The following ATP2A3 variants were observed in gnomAD, a reference collection of about 807,000 sequenced individuals.
ATP2A3 encodes sarcoplasmic/endoplasmic reticulum calcium ATPase 3.
In ATP2A3, 61 loss-of-function variants were observed where a neutral mutation model predicts 106.8. The observed-to-expected ratio is 0.57, with a 90% confidence interval of 0.46 to 0.71. The LOEUF is 0.71. ATP2A3 is among the 30% of genes least tolerant of loss of function. The probability of loss-of-function intolerance (pLI) is 0.00; values close to 1 mark genes in which losing one functional copy is unlikely to be tolerated. For synonymous variants in ATP2A3, 611 were observed against 609.3 expected (o/e 1.00, Z -0.04); for missense variants, 1,201 against 1,423.5 (o/e 0.84, Z 2.52).
chr17:3,955,643 G>A lies in ATP2A3; in HGVS notation c.119-1933C>T, dbSNP rs1049077586. On this transcript the variant is annotated intron_variant, in intron 1 of 20. Transcript: ENST00000397041. The surrounding 1 kb of genome is among the most constrained non-coding windows in gnomAD (Gnocchi z 4.2). The stretch of plus-strand genomic sequence containing the variant: ...GTCACCCCAGCCATGCCCCAGCCTC[G>A]AATCAGGACAGCACTAACCTCATGG... Among the ~76,000 whole-genome samples the A allele has an allele frequency of 2.0e-5, 3 of 152,164 alleles. No individual in the cohort carries two copies. Among genetic ancestry groups the A allele is most frequent in the Non-Finnish European group, 2.9e-5 (2 of 68,038 alleles).
intron 14 of ATP2A3, among the ~76,000 whole-genome samples, chr17:3,939,512 G>A (rs1441461137): frequency 6.6e-6 from 1 of 152,050 alleles, no homozygotes; most frequent in African/African-American, 2.4e-5. Flanking sequence ...CAATAGGCCG[G>A]GCGCGGTGGC....
Position 3,947,982 on chromosome 17 carries a change from G to C in ATP2A3, c.631-127C>G. Reference sequence around the variant, plus strand: ...GGCTTTCCTTTTCTCCATGTTGCTAGTGCTTCCAGACTCCTGTAGCTATGT... The same window carrying C: ...GGCTTTCCTTTTCTCCATGTTGCTACTGCTTCCAGACTCCTGTAGCTATGT... On this transcript the variant is annotated intron_variant, in intron 7 of 20. Transcript: ENST00000397041. The surrounding 1 kb of genome is among the most constrained non-coding windows in gnomAD (Gnocchi z 7.7). 2 of 926,322 alleles carry C rather than the reference G, an allele frequency of 2.2e-6. No homozygotes were observed. The highest frequency in any genetic ancestry group is 1.6e-6 in the Non-Finnish European group (1 of 606,092). The allele number at this position is 926,322 out of a possible 1,614,324, so 57.4% of individuals were successfully genotyped here. A position where few individuals can be genotyped will look rare whatever the true frequency, so the allele number is the denominator to read the frequency against.
chr17:3,942,455 C>A, intron 12 of ATP2A3, 151 bp downstream of exon 12: 2 of 1,211,816 alleles, frequency 1.7e-6, no homozygotes, highest in Non-Finnish European at 2.2e-6. Flanking sequence ...ACCAACCACC[C>A]CTACACCACC....
In ATP2A3 at chr17:3,943,379, A is replaced by T; in HGVS notation, c.1419+12T>A. 6.2e-7 allele frequency: 1 copy of T among 1,613,306 alleles called. No individual in the cohort carries two copies. Among genetic ancestry groups the T allele is most frequent in the Non-Finnish European group, 8.5e-7 (1 of 1,179,914 alleles). On this transcript the variant is annotated intron_variant, in intron 11 of 20. Transcript: ENST00000397041. Reference sequence around the variant, plus strand: ...CATGCAGCCGGAGGCCTGAGCCCCCAGCCCTGCTCACCGTGTTACAGGCGC... The same window carrying T: ...CATGCAGCCGGAGGCCTGAGCCCCCTGCCCTGCTCACCGTGTTACAGGCGC...
At chr17:3,946,655 C>T (rs761947256) in intron 8 of ATP2A3, among the ~76,000 whole-genome samples, 3 of 152,212 alleles carry the variant, frequency 2.0e-5, no homozygotes, top group Non-Finnish European at 4.4e-5. Flanking sequence ...CACCCCTCCC[C>T]TAAAGCAGCC....
intron 20 of ATP2A3, chr17:3,927,505 C>G (rs2052772966): frequency 3.0e-6 from 3 of 985,332 alleles, no homozygotes; most frequent in Admixed American, 6.1e-5. Flanking sequence ...TCAAGGGCGG[C>G]TGGAGGATTT....
At position 3,924,650 on chromosome 17, in the gene ATP2A3, C is replaced by G; in HGVS notation, c.*772G>C. On this transcript the variant is annotated 3_prime_UTR_variant, in exon 21 of 21. Transcript: ENST00000397041. This position sits in a 1 kb window ranked among gnomAD's most constrained non-coding sequence, Gnocchi z 6.4. ...AGTGTGACTCTGAACATCTCCCGAG[C>G]TCAGGACGGGGAACCCTGAGTCCAG... 2.7e-6 allele frequency: 1 copy of G among 371,394 alleles called. No homozygotes were observed. Among genetic ancestry groups the G allele is most frequent in the South Asian group, 2.1e-5 (1 of 48,310 alleles). 23.0% of individuals were successfully genotyped at this position (371,394 alleles called of 1,614,324 possible). A position where few individuals can be genotyped will look rare whatever the true frequency, so the allele number is the denominator to read the frequency against.
In ATP2A3 at chr17:3,947,793, C is replaced by T; in HGVS notation, c.693G>A (p.Glu231=). Residue 231 remains glutamate, a synonymous_variant, in exon 8 of 21, where the codon GAG becomes GAA. Transcript: ENST00000397041. The surrounding 1 kb of genome is among the most constrained non-coding windows in gnomAD (Gnocchi z 7.7). ...GVAVATGLHT[E]LGKIRSQMAA... ...CCATCTGGCTCCGGATCTTGCCCAGCTCCGTGTGCAGGCCGGTGGCCACGG... is the reference window on the plus strand; with the variant it reads ...CCATCTGGCTCCGGATCTTGCCCAGTTCCGTGTGCAGGCCGGTGGCCACGG... 4 of 1,601,608 alleles carry T rather than the reference C, an allele frequency of 2.5e-6. No individual in the cohort carries two copies. The highest frequency in any genetic ancestry group is 3.4e-6 in the Non-Finnish European group (4 of 1,179,864).
chr17:3,964,094 G>A, intron 1 of ATP2A3, 80 bp downstream of exon 1: 1 of 767,578 alleles, frequency 1.3e-6, no homozygotes, highest in South Asian at 5.7e-5. Context: ...CCCAGAGCCG[G>A]GTGGGGAGGC....
rs377351620 is a variant in ATP2A3, at chr17:3,953,404, C to G, written c.162G>C (p.Leu54=). ...GCACCAGGAGGTCCTCAAACTGTTC[C>G]AGCACCAGCTCCCACAGGGACTTCC... is the stretch of plus-strand genomic sequence containing the variant. The part of the protein sequence containing the change: ...EEGKSLWELV[L]EQFEDLLVRI... Residue 54 remains leucine (L), a synonymous_variant, in exon 3 of 21, where the codon CTG becomes CTC. Transcript: ENST00000397041. The surrounding 1 kb of genome is among the most constrained non-coding windows in gnomAD (Gnocchi z 5.1). 4.7e-5 allele frequency: 76 copies of G among 1,614,042 alleles called. No homozygotes were observed. In the African/African-American group the frequency reaches 8.4e-4, roughly 18 times the overall value.
chr17:3,930,808 C>T lies in ATP2A3; in HGVS notation c.2611-374G>A, dbSNP rs147882467. 14 of 369,494 alleles carry T rather than the reference C, an allele frequency of 3.8e-5. No individual in the cohort carries two copies. Among genetic ancestry groups the T allele is most frequent in the African/African-American group, 6.3e-5 (3 of 47,470 alleles). The allele number at this position is 369,494 out of a possible 1,614,324, so 22.9% of individuals were successfully genotyped here. A position where few individuals can be genotyped will look rare whatever the true frequency, so the allele number is the denominator to read the frequency against. ...CATGCGGGAGTGGAATTCACCTTTG[C>T]GGTATAGAAGATGAAGGCTACGCAG... On this transcript the variant is annotated intron_variant, in intron 17 of 20. Transcript: ENST00000397041. This position sits in a 1 kb window ranked among gnomAD's most constrained non-coding sequence, Gnocchi z 5.4.
In ATP2A3 at chr17:3,947,994, T is replaced by A. The variant is rs1020849927; in HGVS notation, c.631-139A>T. 1.2e-6 allele frequency: 1 copy of A among 821,338 alleles called. No individual in the cohort carries two copies. Among genetic ancestry groups the A allele is most frequent in the African/African-American group, 1.7e-5 (1 of 58,574 alleles). 50.9% of individuals were successfully genotyped at this position (821,338 alleles called of 1,614,324 possible). A position where few individuals can be genotyped will look rare whatever the true frequency, so the allele number is the denominator to read the frequency against. ...CTCCATGTTGCTAGTGCTTCCAGAC[T>A]CCTGTAGCTATGTATGCACGGGGTC... On this transcript the variant is annotated intron_variant, in intron 7 of 20. Transcript: ENST00000397041. The surrounding 1 kb of genome is among the most constrained non-coding windows in gnomAD (Gnocchi z 7.7).
In ATP2A3 at chr17:3,943,468, G is replaced by A. The variant is rs1325105069; in HGVS notation, c.1342C>T (p.Leu448=). ...TCGAACACGTTCATCTTCTCCACCA[G>A]GCAAGTCAGAGCTGTCTCCGTGGCC... ...GEATETALTC[L]VEKMNVFDTD... The change falls in exon 11 of 21, where the codon CTG becomes TTG. Residue 448 remains leucine (L), a synonymous_variant. Transcript: ENST00000397041. 6 of 1,613,958 alleles carry A rather than the reference G, an allele frequency of 3.7e-6. No individual in the cohort carries two copies. Among genetic ancestry groups the A allele is most frequent in the South Asian group, 3.3e-5 (3 of 91,086 alleles).
In ATP2A3 at chr17:3,928,983, C is replaced by T. The variant is rs141662486; in HGVS notation, c.2863-203G>A. On this transcript the variant is annotated intron_variant, in intron 19 of 20. Coordinates refer to ENST00000397041, the MANE Select transcript of ATP2A3 (RefSeq NM_005173.4). The surrounding 1 kb of genome is among the most constrained non-coding windows in gnomAD (Gnocchi z 6.1). The stretch of plus-strand genomic sequence containing the variant: ...TCAGCTGCACCCCCCAATCTTTGTC[C>T]GCTCAGCTTCCTCTGCCTCAAGGGC... 2.0e-5 allele frequency among the ~76,000 whole-genome samples: 3 copies of T among 151,744 alleles called. No homozygotes were observed. The highest frequency in any genetic ancestry group is 3.9e-4 in the East Asian group (2 of 5,144).
Position 3,947,323 on chromosome 17 carries a change from G to T in ATP2A3, c.1095+68C>A. ...ATCCCTCACTGAAAAGGAGGTGGGG[G>T]AGAGACCCAGAGAGGGAGCCCAGCC... On this transcript the variant is annotated intron_variant, in intron 8 of 20. Coordinates refer to ENST00000397041, the MANE Select transcript of ATP2A3 (RefSeq NM_005173.4). The surrounding 1 kb of genome is among the most constrained non-coding windows in gnomAD (Gnocchi z 7.7). 1 of 1,569,838 alleles carries T rather than the reference G, an allele frequency of 6.4e-7. No individual in the cohort carries two copies. Among genetic ancestry groups the T allele is most frequent in the Admixed American group, 1.7e-5 (1 of 59,396 alleles).
At chr17:3,933,685 A>G (rs145352101) in intron 17 of ATP2A3, among the ~76,000 whole-genome samples, 23,600 of 148,902 alleles carry the variant, frequency 0.16, 2,345 homozygotes, top group African/African-American at 0.23. Flanking sequence ...GCAGTGAGCC[A>G]AGATTGCACC....
chr17:3,956,889 C>G (rs1487605355), intron 1 of ATP2A3, among the ~76,000 whole-genome samples: 1 of 152,266 alleles, frequency 6.6e-6, no homozygotes, highest in African/African-American at 2.4e-5. Context: ...GAGCACAGCT[C>G]TGGTCCTGCC....
rs915344296 is a variant in ATP2A3, at chr17:3,925,999, G to A, written c.2981-558C>T. ...TGTCCTCAGAGTAAAGTCTAAGCCC[G>A]CCTGTAACCTCCCAGATCTGTCCCC... On this transcript the variant is annotated intron_variant, in intron 20 of 20. Transcript: ENST00000397041. The surrounding 1 kb of genome is among the most constrained non-coding windows in gnomAD (Gnocchi z 4.2). 3.3e-5 allele frequency among the ~76,000 whole-genome samples: 5 copies of A among 151,402 alleles called. No homozygotes were observed. Among genetic ancestry groups the A allele is most frequent in the Admixed American group, 2.0e-4 (3 of 15,196 alleles).
chr17:3,935,868 GC>G (rs1260568234), intron 16 of ATP2A3, among the ~76,000 whole-genome samples: 2 of 152,004 alleles, frequency 1.3e-5, no homozygotes. Flanking sequence ...CAAGTGATCT[GC>G]CCACCTCGGC....
Sources: allele counts gnomAD v4.1 joint callset (sites outside exome capture counted in the v4.1 genomes callset), GRCh38; gene constraint gnomAD v4.1.1; non-coding constraint Gnocchi (gnomAD v3.1); transcripts MANE v1.5; gene names NCBI Gene and HGNC (gene_info 2026-07-23, HGNC 2026-07-21).